HSCB: variants seen among roughly 807,000 people sequenced by gnomAD.
HSCB encodes HscB mitochondrial iron-sulfur cluster cochaperone.
Under a neutral mutation model 31.3 loss-of-function variants are expected in HSCB, and 23 were observed. The observed-to-expected ratio is 0.74, with a 90% CI of 0.53 to 1.04. The LOEUF (loss-of-function observed/expected upper bound fraction) is 1.04, where lower values mean the gene tolerates loss of function less well. HSCB is among the 50% of genes least tolerant of loss of function. The probability of loss-of-function intolerance (pLI) is 0.00; values close to 1 mark genes in which losing one functional copy is unlikely to be tolerated. For synonymous variants in HSCB, 110 were observed against 104.5 expected, an observed-to-expected ratio of 1.05 and a Z score of -0.32; for missense variants, 297 against 288.1, an observed-to-expected ratio of 1.03 and a Z score of -0.22.
At chr22:28,755,373 G>A (rs2030539610) in intron 5 of HSCB, among the ~76,000 whole-genome samples, 1 of 151,854 alleles carries the variant, frequency 6.6e-6, no homozygotes. Flanking sequence ...TTGCGCCACT[G>A]CACTCCGGCC....
chr22:28,744,621 A>C lies in HSCB; in HGVS notation c.340A>C (p.Lys114Gln). The change falls in exon 3 of 6, where the codon AAG (lysine) becomes CAG (glutamine). Residue 114 changes from lysine (K) to glutamine (Q), a missense_variant. Coordinates refer to ENST00000216027, the MANE Select transcript of HSCB (RefSeq NM_172002.5). ...DFFSQRSQTE[K>Q]DFSEKHSTLV... ...TCTTCATCTCCACTAACAGACTGAA[A>C]AGGACTTCTCAGAGAAGCATTCGAC... 1 of 1,611,778 alleles carries C rather than the reference A, an allele frequency of 6.2e-7. No homozygotes were observed. Among genetic ancestry groups the C allele is most frequent in the Non-Finnish European group, 8.5e-7 (1 of 1,177,864 alleles).
In HSCB at chr22:28,743,983, C is replaced by T. The variant is rs1239057169; in HGVS notation, c.333+5C>T. ...TTCTTCAGCCAGAGGTCTCAGGTAG[C>T]TTATTGGCCAACCCCAATAATCCCC... On this transcript the variant is annotated splice_donor_5th_base_variant and intron_variant, in intron 2 of 5. Coordinates refer to ENST00000216027, the MANE Select transcript of HSCB (RefSeq NM_172002.5). 1 of 1,604,332 alleles carries T rather than the reference C, an allele frequency of 6.2e-7. No homozygotes were observed. The highest frequency in any genetic ancestry group is 1.7e-5 in the Admixed American group (1 of 59,992).
intron 3 of HSCB, chr22:28,745,316 G>A (rs953162542): frequency 1.9e-4 from 28 of 149,400 alleles, no homozygotes; most frequent in African/African-American, 5.7e-4. Flanking sequence ...TTGGGAGGCC[G>A]AGGCGGGTGG....
chr22:28,748,866 G>T (rs1216928292), intron 4 of HSCB, among the ~76,000 whole-genome samples: 2 of 152,124 alleles, frequency 1.3e-5, no homozygotes, highest in Non-Finnish European at 2.9e-5. Flanking sequence ...TTGACCAGGT[G>T]TGATGGCTTA....
chr22:28,744,058 C>A, intron 2 of HSCB, 80 bp downstream of exon 2: 1 of 1,104,418 alleles, frequency 9.1e-7, no homozygotes, highest in South Asian at 1.2e-5. Context: ...ATGTGATTAT[C>A]AGGGACTGAG....
chr22:28,743,449 T>C (rs995807869), intron 1 of HSCB, among the ~76,000 whole-genome samples: 1 of 152,234 alleles, frequency 6.6e-6, no homozygotes, highest in African/African-American at 2.4e-5. Context: ...GAAATCTGAC[T>C]AAAGTTTGGC....
intron 5 of HSCB, among the ~76,000 whole-genome samples, chr22:28,751,875 A>C (rs1033478104): frequency 2.0e-5 from 3 of 151,990 alleles, no homozygotes; most frequent in Non-Finnish European, 2.9e-5. Flanking sequence ...AGATCACTTG[A>C]GGTTAGGGGT....
intron 4 of HSCB, 32 bp from the exon 5 acceptor site, chr22:28,751,209 G>A: frequency 1.4e-6 from 2 of 1,440,758 alleles, no homozygotes; most frequent in Non-Finnish European, 1.9e-6. Flanking sequence ...CTATTTCAAT[G>A]GAAAAATTAA....
At chr22:28,756,335 C>T (rs570895023) in intron 5 of HSCB, among the ~76,000 whole-genome samples, 1 of 152,146 alleles carries the variant, frequency 6.6e-6, no homozygotes, top group South Asian at 2.1e-4. Context: ...TGTGCCTCAG[C>T]ACCTGAACTG....
chr22:28,754,486 A>G (rs1044389689), intron 5 of HSCB, among the ~76,000 whole-genome samples: 2 of 152,070 alleles, frequency 1.3e-5, no homozygotes, highest in African/African-American at 4.8e-5. Context: ...CCTGACCAAC[A>G]TGGTGAAACC....
intron 4 of HSCB, 111 bp downstream of exon 4, chr22:28,746,119 G>A (rs1228731690): frequency 1.6e-5 from 17 of 1,041,946 alleles, no homozygotes; most frequent in Non-Finnish European, 2.2e-5. Flanking sequence ...AGTGGCTCAC[G>A]CCTATAATCC....
At chr22:28,744,112 C>A (rs2054642982) in intron 2 of HSCB, 134 bp downstream of exon 2, 1 of 729,484 alleles carries the variant, frequency 1.4e-6, no homozygotes. Flanking sequence ...CTGACCCCAG[C>A]CTGTCAGACC....
At position 28,757,006 on chromosome 22, in the gene HSCB, G is replaced by T. The variant is rs937130659; in HGVS notation, c.617-72G>T. On this transcript the variant is annotated intron_variant, in intron 5 of 5. Coordinates refer to ENST00000216027, the MANE Select transcript of HSCB (RefSeq NM_172002.5). The stretch of plus-strand genomic sequence containing the variant: ...CCCAGGGCTCCACTTATATATCGCT[G>T]CCCTAGTCATCAGAGTTGGTTTTAT... 8.2e-6 allele frequency: 7 copies of T among 855,564 alleles called. No individual in the cohort carries two copies. In the African/African-American group the frequency reaches 1.2e-4, roughly 14 times the overall value. The allele number at this position is 855,564 out of a possible 1,614,324, so 53.0% of individuals were successfully genotyped here.
chr22:28,754,941 G>A (rs1173112746), intron 5 of HSCB, among the ~76,000 whole-genome samples: 1 of 150,620 alleles, frequency 6.6e-6, no homozygotes, highest in Non-Finnish European at 1.5e-5. Context: ...GATTACAGGA[G>A]CCTGCCACCA....
At chr22:28,750,365 T>C (rs75118067) in intron 4 of HSCB, among the ~76,000 whole-genome samples, 1,891 of 151,926 alleles carry the variant, frequency 0.012, 46 homozygotes, top group African/African-American at 0.043. Context: ...TCCTGTAAGG[T>C]ATCTGCTATG....
In HSCB at chr22:28,744,243, C is replaced by T. The variant is rs150460794; in HGVS notation, c.333+265C>T. On this transcript the variant is annotated intron_variant, in intron 2 of 5. Transcript: ENST00000216027. ...ACTTAACCACTTCCTTAGGTGCCTG[C>T]CCATTAGAATATTATAAAACTTTGT... Among the ~76,000 whole-genome samples, 14 of 152,322 alleles carry T rather than the reference C, an allele frequency of 9.2e-5. No individual in the cohort carries two copies. The East Asian group carries it at 2.5e-3, about 27-fold the overall frequency.
chr22:28,746,007 AG>A lies in HSCB; in HGVS notation c.568+1del, dbSNP rs1243239327. ...TGAAAGAGATTGAATCCATTGTCAA[AG>A]GTGAAAGATAAAATAGCACTGAATG... is the stretch of plus-strand genomic sequence containing the variant. ...AMKEIESIVK[A>X]KQKEFTDNVS... On this transcript the variant is annotated frameshift_variant and splice_region_variant, in exon 4 of 6. Transcript: ENST00000216027. LOFTEE classifies it high-confidence loss of function. 1 of 1,609,122 alleles carries A rather than the reference AG, an allele frequency of 6.2e-7. No individual in the cohort carries two copies.
intron 1 of HSCB, chr22:28,742,606 G>C: frequency 2.1e-6 from 1 of 482,076 alleles, no homozygotes; most frequent in Non-Finnish European, 3.7e-6. Flanking sequence ...GCCGAGGCTA[G>C]AGGGGAGGGA....
Position 28,756,249 on chromosome 22 carries a change from CAAAAAAA to C in HSCB, c.617-820_617-814del, listed in dbSNP as rs150222695. ...GGCAACAGAGTGAGGCTCCATCTCA[CAAAAAAA>C]AAAAAAAAGGAAAATCACCGGTCTA... On this transcript the variant is annotated intron_variant, in intron 5 of 5. Transcript: ENST00000216027. Among the ~76,000 whole-genome samples the C allele has an allele frequency of 3.0e-5, 3 of 99,746 alleles. No homozygotes were observed. The South Asian group carries it at 9.7e-4, about 32-fold the overall frequency. 65.4% of individuals were successfully genotyped at this position (99,746 alleles called of 152,430 possible).
Sources: allele counts gnomAD v4.1 joint callset (sites outside exome capture counted in the v4.1 genomes callset), GRCh38; gene constraint gnomAD v4.1.1; transcripts MANE v1.5; gene names NCBI Gene and HGNC (gene_info 2026-07-23, HGNC 2026-07-21).